The following COL22A1 variants were observed in gnomAD, a reference collection of about 807,000 sequenced individuals.
The protein encoded by COL22A1 is collagen type XXII alpha 1 chain, also known as collagen alpha-1(XXII) chain.
Under a neutral mutation model 248.9 loss-of-function variants are expected in COL22A1, and 221 were observed. That is an observed-to-expected ratio of 0.89 (90% CI 0.80 to 0.99). COL22A1 has a LOEUF of 0.99. Ranked by LOEUF, COL22A1 falls within the 50% of genes least tolerant of loss-of-function variation. COL22A1 has a pLI of 0.00. For synonymous variants in COL22A1, 891 were observed against 793.4 expected (o/e 1.12, Z -2.07); for missense variants, 2,240 against 2,179.0 (o/e 1.03, Z -0.56).
At chr8:138,888,072 G>T (rs1216707224) in intron 1 of COL22A1, among the ~76,000 whole-genome samples, 1 of 152,174 alleles carries the variant, frequency 6.6e-6, no homozygotes, top group African/African-American at 2.4e-5. Context: ...TTAAAGCCAA[G>T]GTCCTGGACA....
intron 64 of COL22A1, among the ~76,000 whole-genome samples, chr8:138,589,766 G>T (rs541302400): frequency 1.1e-4 from 16 of 152,292 alleles, no homozygotes; most frequent in African/African-American, 3.9e-4. Context: ...GAGAGACCTG[G>T]CCTTCTGGGT....
At position 138,877,897 on chromosome 8, in the gene COL22A1, G is replaced by A. The variant is rs531298353; in HGVS notation, c.511C>T (p.Arg171Cys). The A allele has an allele frequency of 1.4e-5, 23 of 1,611,466 alleles. No individual in the cohort carries two copies. The highest frequency in any genetic ancestry group is 2.2e-5 in the East Asian group (1 of 44,802). ...AAAAAHRAGI[R>C]IFAVGVGEAL... ...TCGCCCACGCCCACGGCAAAGATGC[G>A]GATGCCAGCGCGGTGGGCTGCCGCC... Residue 171 changes from arginine (R) to cysteine (C), a missense_variant, in exon 3 of 65, where the codon CGC becomes TGC. By Grantham distance (180) the Arg-to-Cys change is radical. Transcript: ENST00000303045.
intron 1 of COL22A1, among the ~76,000 whole-genome samples, chr8:138,902,002 G>A (rs1055460280): frequency 6.6e-6 from 1 of 152,072 alleles, no homozygotes; most frequent in East Asian, 1.9e-4. Context: ...TGAGTTACCG[G>A]GCTGGTGCCC....
chr8:138,672,952 C>T (rs1438883204), intron 41 of COL22A1, among the ~76,000 whole-genome samples: 1 of 152,186 alleles, frequency 6.6e-6, no homozygotes, highest in Admixed American at 6.5e-5. Flanking sequence ...TTGTAAGCAA[C>T]TTAAACATTG....
intron 2 of COL22A1, 82 bp downstream of exon 2, chr8:138,883,000 C>T: frequency 1.6e-6 from 2 of 1,241,950 alleles, no homozygotes; most frequent in Non-Finnish European, 2.2e-6. Context: ...CACTTGCATG[C>T]ACACACCACA....
At chr8:138,845,475 A>G (rs1821176041) in intron 3 of COL22A1, among the ~76,000 whole-genome samples, 1 of 152,090 alleles carries the variant, frequency 6.6e-6, no homozygotes, top group African/African-American at 2.4e-5. Flanking sequence ...AGATCACGCC[A>G]CTGCATGACA....
At chr8:138,630,843 G>C in intron 49 of COL22A1, 95 bp from the exon 50 acceptor site, 2 of 1,080,220 alleles carry the variant, frequency 1.9e-6, no homozygotes, top group Non-Finnish European at 2.8e-6. Flanking sequence ...GATATGGTTG[G>C]TTATCTGTCC....
chr8:138,707,279 T>A (rs1017497302), intron 30 of COL22A1, among the ~76,000 whole-genome samples: 2 of 152,124 alleles, frequency 1.3e-5, no homozygotes, highest in Non-Finnish European at 2.9e-5. Flanking sequence ...CCTCCCTAAT[T>A]CATTTTATGA....
chr8:138,744,645 A>C (rs1184286058), intron 22 of COL22A1, among the ~76,000 whole-genome samples: 1 of 152,206 alleles, frequency 6.6e-6, no homozygotes, highest in Non-Finnish European at 1.5e-5. Context: ...TTAGAATCCT[A>C]ATTAGTAGAA....
At chr8:138,601,596 A>G (rs193292584) in intron 60 of COL22A1, among the ~76,000 whole-genome samples, 96 of 152,284 alleles carry the variant, frequency 6.3e-4, no homozygotes, top group South Asian at 1.2e-3. Context: ...GGCTCTTCAG[A>G]AGAAAAAAAA....
At chr8:138,813,899 G>T (rs956216293) in intron 7 of COL22A1, among the ~76,000 whole-genome samples, 1 of 152,144 alleles carries the variant, frequency 6.6e-6, no homozygotes, top group African/African-American at 2.4e-5. Context: ...ACCTCTCCAG[G>T]CATTTCCACA....
At chr8:138,848,246 T>C (rs982852816) in intron 3 of COL22A1, among the ~76,000 whole-genome samples, 1 of 152,208 alleles carries the variant, frequency 6.6e-6, no homozygotes, top group Non-Finnish European at 1.5e-5. Context: ...TTAAAGTCCA[T>C]TTATTGTCTA....
intron 35 of COL22A1, among the ~76,000 whole-genome samples, chr8:138,692,330 G>A (rs1176065498): frequency 1.3e-5 from 2 of 150,832 alleles, no homozygotes; most frequent in East Asian, 2.0e-4. Context: ...GCGTGTGCAT[G>A]TTTGTGGATG....
chr8:138,647,088 C>T (rs1822267136), intron 46 of COL22A1, among the ~76,000 whole-genome samples: 1 of 152,140 alleles, frequency 6.6e-6, no homozygotes, highest in Non-Finnish European at 1.5e-5. Flanking sequence ...CTGCTACCAT[C>T]CCCCGCCCCC....
intron 3 of COL22A1, among the ~76,000 whole-genome samples, chr8:138,856,667 AGAGAGACAG>A (rs1586900031): frequency 6.6e-6 from 1 of 151,220 alleles, no homozygotes; most frequent in East Asian, 1.9e-4. Flanking sequence ...ACAGCAAGAG[AGAGAGACAG>A]GAGAGACAGC....
At chr8:138,631,858 C>G (rs1820747512) in intron 49 of COL22A1, among the ~76,000 whole-genome samples, 1 of 152,154 alleles carries the variant, frequency 6.6e-6, no homozygotes, top group Admixed American at 6.6e-5. Context: ...CTGCAAAAAT[C>G]TGACATGCTA....
chr8:138,634,219 T>C (rs1820955954), intron 49 of COL22A1, among the ~76,000 whole-genome samples: 1 of 152,200 alleles, frequency 6.6e-6, no homozygotes, highest in East Asian at 1.9e-4. Flanking sequence ...TTTAAATTTA[T>C]ACTCCTAACT....
intron 1 of COL22A1, among the ~76,000 whole-genome samples, chr8:138,895,984 G>A (rs1020304031): frequency 1.3e-5 from 2 of 152,230 alleles, no homozygotes; most frequent in Admixed American, 6.5e-5. Flanking sequence ...AAGAAACCAG[G>A]GGGAAATGGC....
At chr8:138,874,787 G>T (rs1470094107) in intron 3 of COL22A1, among the ~76,000 whole-genome samples, 1 of 152,234 alleles carries the variant, frequency 6.6e-6, no homozygotes, top group Non-Finnish European at 1.5e-5. Flanking sequence ...AGCCATGCAA[G>T]AGCAGATACG....
Sources: allele counts gnomAD v4.1 joint callset (sites outside exome capture counted in the v4.1 genomes callset), GRCh38; gene constraint gnomAD v4.1.1; transcripts MANE v1.5; gene names NCBI Gene and HGNC (gene_info 2026-07-23, HGNC 2026-07-21).